Variants in ANKS1B observed in about 807,000 individuals in gnomAD.
ANKS1B encodes ankyrin repeat and sterile alpha motif domain containing 1B, also known as ankyrin repeat and sterile alpha motif domain-containing protein 1B.
In ANKS1B, 36 loss-of-function variants were observed where a neutral mutation model predicts 148.3. That is an observed-to-expected ratio of 0.24 (90% confidence interval 0.19 to 0.32). The LOEUF is 0.32. ANKS1B is among the 10% of genes least tolerant of loss of function. The pLI, the probability that ANKS1B is intolerant of heterozygous loss-of-function variation, is 1.00. For synonymous variants in ANKS1B, 542 were observed against 560.8 expected (o/e 0.97, Z 0.47); for missense variants, 1,157 against 1,542.6 (o/e 0.75, Z 4.19).
At chr12:99,284,345 G>T (rs1244476461) in intron 12 of ANKS1B, among the ~76,000 whole-genome samples, 1 of 152,146 alleles carries the variant, frequency 6.6e-6, no homozygotes, top group Non-Finnish European at 1.5e-5. Flanking sequence ...CTAGCACTTG[G>T]GTGCTCAAAG....
Position 99,703,800 on chromosome 12 carries a change from T to C in ANKS1B, c.1129-48590A>G, listed in dbSNP as rs554490543. The stretch of plus-strand genomic sequence containing the variant: ...GCCACATCTTTATATTCCCAGTGCC[T>C]AGCGCAAAGCCTGGCATAATGGCAG... On this transcript the variant is annotated intron_variant, in intron 8 of 26. Transcript: ENST00000683438. Among the ~76,000 whole-genome samples the C allele has an allele frequency of 3.9e-5, 6 of 152,264 alleles. No homozygotes were observed. The South Asian group carries it at 1.2e-3, about 31-fold the overall frequency.
intron 10 of ANKS1B, among the ~76,000 whole-genome samples, chr12:99,448,316 C>T (rs1274583665): frequency 5.3e-5 from 8 of 152,014 alleles, no homozygotes; most frequent in African/African-American, 1.9e-4. Flanking sequence ...ACCTGGAGGA[C>T]CTTGTGTTAA....
At chr12:98,878,409 C>T (rs926684175) in intron 17 of ANKS1B, among the ~76,000 whole-genome samples, 1 of 118,374 alleles carries the variant, frequency 8.4e-6, no homozygotes, top group Non-Finnish European at 1.8e-5. Flanking sequence ...AAACAAAATG[C>T]CCCATTGCCT....
At chr12:99,762,955 C>T (rs181527957) in intron 8 of ANKS1B, among the ~76,000 whole-genome samples, 20 of 152,108 alleles carry the variant, frequency 1.3e-4, no homozygotes, top group African/African-American at 4.6e-4. Flanking sequence ...CAATCTCACA[C>T]CTGTCACAAT....
chr12:99,713,846 C>T (rs1358931088), intron 8 of ANKS1B, among the ~76,000 whole-genome samples: 2 of 152,170 alleles, frequency 1.3e-5, no homozygotes, highest in African/African-American at 4.8e-5. Context: ...CTTCCAGCCT[C>T]TTCCCACTGG....
intron 17 of ANKS1B, among the ~76,000 whole-genome samples, chr12:99,039,658 C>T (rs1484884680): frequency 6.6e-6 from 1 of 152,208 alleles, no homozygotes; most frequent in African/African-American, 2.4e-5. Context: ...CCCTCTGGCG[C>T]TCCTCTGCAG....
chr12:99,920,952 A>T (rs1171608157), intron 1 of ANKS1B, among the ~76,000 whole-genome samples: 4 of 152,188 alleles, frequency 2.6e-5, no homozygotes, highest in Admixed American at 6.5e-5. Flanking sequence ...ATAATGTTTT[A>T]CCACTTATCT....
intron 17 of ANKS1B, among the ~76,000 whole-genome samples, chr12:98,939,011 A>G (rs1423899310): frequency 1.3e-5 from 2 of 152,248 alleles, no homozygotes; most frequent in Non-Finnish European, 2.9e-5. Flanking sequence ...TGATTTTGCA[A>G]CTAACACCTT....
intron 17 of ANKS1B, among the ~76,000 whole-genome samples, chr12:98,949,038 C>T (rs1443189931): frequency 2.0e-5 from 3 of 147,332 alleles, no homozygotes; most frequent in Non-Finnish European, 4.4e-5. Flanking sequence ...CTGCAACCTC[C>T]CTCTCCTGGG....
At chr12:99,509,113 A>G (rs761820309) in intron 9 of ANKS1B, among the ~76,000 whole-genome samples, 1 of 151,848 alleles carries the variant, frequency 6.6e-6, no homozygotes, top group East Asian at 1.9e-4. Flanking sequence ...AACTTAATGC[A>G]TAAGTGTAGT....
At chr12:99,604,595 A>G (rs2097836089) in intron 9 of ANKS1B, among the ~76,000 whole-genome samples, 1 of 151,964 alleles carries the variant, frequency 6.6e-6, no homozygotes. Flanking sequence ...CAGGTAGATC[A>G]CCTGAGGTCA....
chr12:99,783,146 G>A (rs150595671), intron 4 of ANKS1B, among the ~76,000 whole-genome samples: 63 of 148,524 alleles, frequency 4.2e-4, no homozygotes, highest in African/African-American at 1.3e-3. Context: ...AGCCGAGATC[G>A]CACCACTGCA....
In ANKS1B at chr12:99,408,459, C is replaced by T. The variant is rs561466079; in HGVS notation, c.1576-8648G>A. The stretch of plus-strand genomic sequence containing the variant: ...CTAGGCAAAAATTTCTTAAGGAACA[C>T]TTCACAAGCATAGGCAACCAAAGCA... On this transcript the variant is annotated intron_variant, in intron 11 of 26. Transcript: ENST00000683438. Among the ~76,000 whole-genome samples, 8 of 146,000 alleles carry T rather than the reference C, an allele frequency of 5.5e-5. 1 individual carries two copies. In the South Asian group the frequency reaches 6.3e-4, roughly 11 times the overall value.
chr12:99,914,723 A>AG (rs34861434), intron 1 of ANKS1B, among the ~76,000 whole-genome samples: 2 of 151,994 alleles, frequency 1.3e-5, no homozygotes, highest in Admixed American at 1.3e-4. Context: ...GGTGATATTT[A>AG]GGGGGGTGTA....
At chr12:98,738,604 C>A (rs1291702581) in intron 9 of ANKS1B, among the ~76,000 whole-genome samples, 1 of 152,136 alleles carries the variant, frequency 6.6e-6, no homozygotes, top group Non-Finnish European at 1.5e-5. Context: ...AGAGGAAGAA[C>A]TAAACCCCAG....
chr12:99,763,783 A>G (rs949290764), intron 8 of ANKS1B, among the ~76,000 whole-genome samples: 5 of 152,218 alleles, frequency 3.3e-5, no homozygotes, highest in African/African-American at 7.2e-5. Context: ...GTAATCAGAC[A>G]TATTTCCTAT....
chr12:99,691,864 A>C (rs1252645197), intron 8 of ANKS1B, among the ~76,000 whole-genome samples: 1 of 152,204 alleles, frequency 6.6e-6, no homozygotes, highest in Non-Finnish European at 1.5e-5. Flanking sequence ...AAACTGAGAT[A>C]ACAAATGGGT....
At chr12:99,624,917 A>T (rs2098094752) in intron 9 of ANKS1B, among the ~76,000 whole-genome samples, 1 of 152,102 alleles carries the variant, frequency 6.6e-6, no homozygotes, top group Admixed American at 6.6e-5. Flanking sequence ...AGGAAAATAA[A>T]TTGCTCGACC....
chr12:99,593,929 C>A (rs2097729646), intron 9 of ANKS1B, among the ~76,000 whole-genome samples: 1 of 151,926 alleles, frequency 6.6e-6, no homozygotes, highest in Admixed American at 6.6e-5. Flanking sequence ...ATCATTTATG[C>A]TGACAAGCAG....
Sources: gnomAD v4.1 joint callset for allele counts (sites outside exome capture counted in the v4.1 genomes callset) on GRCh38, gnomAD v4.1.1 for gene constraint, MANE v1.5 for transcripts, NCBI Gene and HGNC (gene_info 2026-07-23, HGNC 2026-07-21) for gene names.